THSD7B: variants seen among roughly 807,000 people sequenced by gnomAD.
THSD7B encodes thrombospondin type-1 domain-containing protein 7B.
A neutral mutation model predicts 213.6 loss-of-function variants in THSD7B; 138 were observed. The observed-to-expected ratio is 0.65, with a 90% CI of 0.56 to 0.74. The LOEUF is 0.74. THSD7B is among the 30% of genes least tolerant of loss of function. The pLI, the probability that THSD7B is intolerant of heterozygous loss-of-function variation, is 0.00. For missense variants in THSD7B, 1,931 were observed against 1,991.5 expected (o/e 0.97, Z 0.58); for synonymous variants, 742 against 687.0 (o/e 1.08, Z -1.25).
chr2:136,911,775 A>G (rs1330994956), intron 2 of THSD7B, among the ~76,000 whole-genome samples: 3 of 152,224 alleles, frequency 2.0e-5, no homozygotes, highest in Non-Finnish European at 2.9e-5. Flanking sequence ...CCATGCTACT[A>G]CTACTACAAG....
intron 2 of THSD7B, among the ~76,000 whole-genome samples, chr2:136,983,377 ACACT>A (rs1553462396): frequency 6.8e-6 from 1 of 146,412 alleles, no homozygotes; most frequent in African/African-American, 2.6e-5. Context: ...ACACGCACAC[ACACT>A]CACTCTCTCT....
intron 2 of THSD7B, among the ~76,000 whole-genome samples, chr2:136,980,487 A>G (rs1685556272): frequency 6.6e-6 from 1 of 152,142 alleles, no homozygotes; most frequent in Non-Finnish European, 1.5e-5. Context: ...CATGAGGAGG[A>G]GGAATAAATC....
intron 2 of THSD7B, among the ~76,000 whole-genome samples, chr2:137,041,589 C>T (rs532161109): frequency 1.2e-3 from 173 of 149,518 alleles, no homozygotes; most frequent in South Asian, 1.9e-3. Flanking sequence ...CTACATCGTA[C>T]GTAAGAAACA....
intron 15 of THSD7B, among the ~76,000 whole-genome samples, chr2:137,510,154 T>A (rs577154067): frequency 1.1e-4 from 16 of 152,270 alleles, no homozygotes; most frequent in African/African-American, 3.8e-4. Context: ...GATAAGGAAT[T>A]TGATTACTTA....
chr2:137,638,479 T>C (rs536586335), intron 20 of THSD7B, among the ~76,000 whole-genome samples: 3 of 152,330 alleles, frequency 2.0e-5, no homozygotes, highest in African/African-American at 7.2e-5. Context: ...CCTCGTTTTC[T>C]TCCCAGTCTT....
chr2:137,670,888 T>C (rs988911481), intron 27 of THSD7B, among the ~76,000 whole-genome samples: 5 of 138,126 alleles, frequency 3.6e-5, no homozygotes, highest in East Asian at 2.2e-4. Flanking sequence ...GCCACTGCAC[T>C]GCAGCGTGGG....
chr2:137,510,334 T>A (rs528576482), intron 15 of THSD7B, among the ~76,000 whole-genome samples: 1 of 152,266 alleles, frequency 6.6e-6, no homozygotes, highest in African/African-American at 2.4e-5. Flanking sequence ...AATGGTAATT[T>A]ACCCTGACTT....
intron 2 of THSD7B, among the ~76,000 whole-genome samples, chr2:136,952,073 T>C (rs1460538590): frequency 6.6e-6 from 1 of 152,098 alleles, no homozygotes; most frequent in East Asian, 1.9e-4. Context: ...TTTCACCATA[T>C]TGGCCAGCTG....
In THSD7B at chr2:136,940,441, G is replaced by A. The variant is rs147712846; in HGVS notation, c.139+58124G>A. Among the ~76,000 whole-genome samples the A allele has an allele frequency of 9.9e-5, 15 of 151,956 alleles. No individual in the cohort carries two copies. The East Asian group carries it at 2.9e-3, about 30-fold the overall frequency. ...TGGACCCTAAGCTCTTTTTGATAAA[G>A]CCTTAATATTTTATCAAACATTAAG... On this transcript the variant is annotated intron_variant, in intron 2 of 27. Transcript: ENST00000409968.
chr2:137,433,560 G>A (rs1034393839), intron 14 of THSD7B, among the ~76,000 whole-genome samples: 1 of 151,846 alleles, frequency 6.6e-6, no homozygotes, highest in Non-Finnish European at 1.5e-5. Flanking sequence ...CTTCATGTTG[G>A]CCAGGCTGGT....
At chr2:137,534,016 GCGCACA>G (rs753454774) in intron 15 of THSD7B, among the ~76,000 whole-genome samples, 37 of 136,148 alleles carry the variant, frequency 2.7e-4, no homozygotes, top group South Asian at 1.4e-3. Flanking sequence ...GTGTGTGTGC[GCGCACA>G]CACACACACA....
chr2:137,577,302 C>T (rs567919649), intron 17 of THSD7B, among the ~76,000 whole-genome samples: 26 of 152,190 alleles, frequency 1.7e-4, no homozygotes, highest in Non-Finnish European at 3.1e-4. Context: ...AAGGGTGCCT[C>T]ATTTCGTGCA....
chr2:137,503,507 C>A (rs893958510), intron 15 of THSD7B, among the ~76,000 whole-genome samples: 1 of 152,062 alleles, frequency 6.6e-6, no homozygotes, highest in South Asian at 2.1e-4. Flanking sequence ...GTACATGTAG[C>A]TATTATGTAA....
chr2:137,351,504 A>G lies in THSD7B; in HGVS notation c.2501-54109A>G, dbSNP rs150414526. On this transcript the variant is annotated intron_variant, in intron 12 of 27. Coordinates refer to ENST00000409968, the MANE Select transcript of THSD7B (RefSeq NM_001316349.2). The stretch of plus-strand genomic sequence containing the variant: ...AGGCAGAGTAGGTTATCACTAGAGC[A>G]GACATTTCCACTAGGGATCATTTCC... Among the ~76,000 whole-genome samples the G allele has an allele frequency of 5.1e-4, 78 of 152,122 alleles. 2 individuals carry two copies. Among genetic ancestry groups the G allele is most frequent in the Admixed American group, 5.0e-3 (76 of 15,242 alleles).
At chr2:137,351,274 T>A (rs1685008031) in intron 12 of THSD7B, among the ~76,000 whole-genome samples, 1 of 151,958 alleles carries the variant, frequency 6.6e-6, no homozygotes, top group Admixed American at 6.6e-5. Context: ...AAGCTTAACA[T>A]AGAAGATATG....
At chr2:137,132,919 A>C (rs1688768243) in intron 5 of THSD7B, among the ~76,000 whole-genome samples, 3 of 152,168 alleles carry the variant, frequency 2.0e-5, no homozygotes, top group Non-Finnish European at 4.4e-5. Context: ...GCCCTTCAAA[A>C]ATGTAAAGAC....
intron 7 of THSD7B, among the ~76,000 whole-genome samples, chr2:137,219,686 C>A (rs2105043067): frequency 6.6e-6 from 1 of 152,242 alleles, no homozygotes; most frequent in South Asian, 2.1e-4. Context: ...ATTGCTTATG[C>A]ATTAAGTAGA....
At chr2:137,034,347 G>C (rs1444631376) in intron 2 of THSD7B, among the ~76,000 whole-genome samples, 1 of 151,984 alleles carries the variant, frequency 6.6e-6, no homozygotes, top group Admixed American at 6.6e-5. Context: ...CTCGTGATCT[G>C]CCCGTCTCAG....
intron 12 of THSD7B, among the ~76,000 whole-genome samples, chr2:137,311,228 G>A (rs960469882): frequency 3.5e-4 from 53 of 151,492 alleles, no homozygotes; most frequent in Middle Eastern, 3.4e-3. Context: ...CACATCCCTT[G>A]TAAGTTGGAT....
Sources: gnomAD v4.1 joint callset for allele counts (sites outside exome capture counted in the v4.1 genomes callset) on GRCh38, gnomAD v4.1.1 for gene constraint, MANE v1.5 for transcripts, NCBI Gene and HGNC (gene_info 2026-07-23, HGNC 2026-07-21) for gene names.